Variants in ADAM10 observed in about 807,000 individuals in gnomAD.
ADAM10 encodes the protein ADAM metallopeptidase domain 10, also known as disintegrin and metalloproteinase domain-containing protein 10.
In ADAM10, 17 loss-of-function variants were observed where a neutral mutation model predicts 90.1. The observed-to-expected ratio is 0.19, with a 90% CI of 0.13 to 0.28. The LOEUF (loss-of-function observed/expected upper bound fraction) is 0.28. Among genes scored for constraint, ADAM10 ranks in the 10% least tolerant of loss-of-function variants. The pLI is 1.00. For synonymous variants in ADAM10, 310 were observed against 298.6 expected, an observed-to-expected ratio of 1.04 and a Z score of -0.40; for missense variants, 610 against 914.3, an observed-to-expected ratio of 0.67 and a Z score of 4.29.
intron 1 of ADAM10, among the ~76,000 whole-genome samples, chr15:58,725,489 T>G (rs146862993): frequency 0.01 from 1,557 of 151,572 alleles, 26 homozygotes; most frequent in African/African-American, 0.035. Flanking sequence ...AAGGTTGCAG[T>G]GAGCTATGAT....
chr15:58,643,567 G>A (rs1896469670), intron 7 of ADAM10, among the ~76,000 whole-genome samples: 1 of 152,200 alleles, frequency 6.6e-6, no homozygotes, highest in African/African-American at 2.4e-5. Context: ...TTGGGGAAAA[G>A]TCAAGCACTA....
At chr15:58,652,149 C>T (rs1896704846) in intron 5 of ADAM10, among the ~76,000 whole-genome samples, 1 of 151,780 alleles carries the variant, frequency 6.6e-6, no homozygotes, top group Middle Eastern at 3.4e-3. Flanking sequence ...GTTATTAATC[C>T]CTTGTCAGAC....
intron 11 of ADAM10, 123 bp downstream of exon 11, chr15:58,621,348 A>T (rs1039551867): frequency 6.5e-5 from 80 of 1,223,552 alleles, no homozygotes; most frequent in Non-Finnish European, 7.0e-5. Flanking sequence ...AAAAGAAAAC[A>T]AACAACAGAT....
chr15:58,638,008 G>A (rs1277778607), intron 8 of ADAM10, among the ~76,000 whole-genome samples: 1 of 152,102 alleles, frequency 6.6e-6, no homozygotes, highest in Non-Finnish European at 1.5e-5. Context: ...GAAGAAGCTG[G>A]CAGTGTTATT....
intron 2 of ADAM10, among the ~76,000 whole-genome samples, chr15:58,688,261 C>T (rs575560398): frequency 3.9e-5 from 6 of 152,062 alleles, no homozygotes; most frequent in African/African-American, 4.8e-5. Context: ...GGCACAGTGG[C>T]TCACACCTGT....
At chr15:58,692,281 G>C (rs1185784636) in intron 2 of ADAM10, 1 of 607,030 alleles carries the variant, frequency 1.6e-6, no homozygotes, top group Non-Finnish European at 3.3e-6. Flanking sequence ...CCAGGCACTG[G>C]TGAGGCTCTT....
At chr15:58,621,318 G>A (rs1895779888) in intron 11 of ADAM10, among the ~76,000 whole-genome samples, 153 bp downstream of exon 11, 1 of 143,090 alleles carries the variant, frequency 7.0e-6, no homozygotes, top group South Asian at 2.3e-4. Context: ...TAACAGAGCA[G>A]TAACCAACAC....
At chr15:58,670,455 G>A (rs1897167909) in intron 4 of ADAM10, among the ~76,000 whole-genome samples, 2 of 152,024 alleles carry the variant, frequency 1.3e-5, no homozygotes, top group African/African-American at 2.4e-5. Flanking sequence ...GTTACCTGTT[G>A]CAATTTTTAA....
chr15:58,736,098 C>G (rs1899421243), intron 1 of ADAM10, among the ~76,000 whole-genome samples: 1 of 151,996 alleles, frequency 6.6e-6, no homozygotes, highest in South Asian at 2.1e-4. Context: ...ATTAATTTTC[C>G]TCCTACTCTA....
At chr15:58,631,091 C>G (rs1896088156) in intron 9 of ADAM10, among the ~76,000 whole-genome samples, 1 of 152,184 alleles carries the variant, frequency 6.6e-6, no homozygotes, top group Non-Finnish European at 1.5e-5. Context: ...ACCATGTGAT[C>G]TCTGCACATG....
chr15:58,729,965 AAAC>A (rs1899174445), intron 1 of ADAM10, among the ~76,000 whole-genome samples: 1 of 137,020 alleles, frequency 7.3e-6, no homozygotes, highest in South Asian at 2.6e-4. Context: ...CTGTAAAAAA[AAAC>A]AAAAACAAAA....
At chr15:58,655,702 A>ATATAC (rs1566982280) in intron 5 of ADAM10, among the ~76,000 whole-genome samples, 8 of 53,838 alleles carry the variant, frequency 1.5e-4, no homozygotes, top group Admixed American at 4.2e-4. Context: ...TATAGTATAT[A>ATATAC]TATATATAGT....
At chr15:58,697,840 C>T (rs1898020937) in intron 2 of ADAM10, among the ~76,000 whole-genome samples, 1 of 152,144 alleles carries the variant, frequency 6.6e-6, no homozygotes, top group African/African-American at 2.4e-5. Flanking sequence ...TGAACCTGTC[C>T]CCAGCTAAGC....
intron 4 of ADAM10, among the ~76,000 whole-genome samples, chr15:58,666,769 G>A (rs1255003308): frequency 5.9e-5 from 9 of 151,896 alleles, no homozygotes; most frequent in African/African-American, 1.7e-4. Context: ...TATATATCAC[G>A]AATTAAAAAT....
chr15:58,607,826 A>G (rs1198978578), intron 14 of ADAM10, among the ~76,000 whole-genome samples: 1 of 152,232 alleles, frequency 6.6e-6, no homozygotes, highest in African/African-American at 2.4e-5. Context: ...GTAGTTTTCT[A>G]CAATGTCAAA....
intron 2 of ADAM10, among the ~76,000 whole-genome samples, chr15:58,693,648 G>A (rs1230655332): frequency 6.6e-6 from 1 of 151,810 alleles, no homozygotes; most frequent in Non-Finnish European, 1.5e-5. Flanking sequence ...AAACTGTCAT[G>A]GCCTTGGTAG....
intron 11 of ADAM10, among the ~76,000 whole-genome samples, chr15:58,617,658 C>A (rs1379595707): frequency 6.6e-6 from 1 of 152,086 alleles, no homozygotes; most frequent in Non-Finnish European, 1.5e-5. Flanking sequence ...TATATATAGA[C>A]AACCCTTAAA....
At chr15:58,689,510 G>T (rs575107206) in intron 2 of ADAM10, among the ~76,000 whole-genome samples, 1 of 151,954 alleles carries the variant, frequency 6.6e-6, no homozygotes, top group South Asian at 2.1e-4. Context: ...TAATAATAAT[G>T]CAAGCTAGAA....
chr15:58,675,840 A>G (rs1897293550), intron 4 of ADAM10, among the ~76,000 whole-genome samples: 1 of 152,186 alleles, frequency 6.6e-6, no homozygotes, highest in African/African-American at 2.4e-5. Flanking sequence ...GGGTAGCCAA[A>G]TTCTCATCAA....
Sources: gnomAD v4.1 joint callset for allele counts (sites outside exome capture counted in the v4.1 genomes callset) on GRCh38, gnomAD v4.1.1 for gene constraint, MANE v1.5 for transcripts, NCBI Gene and HGNC (gene_info 2026-07-23, HGNC 2026-07-21) for gene names.